Variants in ATP8B1 observed in about 807,000 individuals in gnomAD.
ATP8B1 encodes the protein ATPase phospholipid transporting 8B1, also known as phospholipid-transporting ATPase IC.
Under a neutral mutation model 149.9 loss-of-function variants are expected in ATP8B1, and 80 were observed. The ratio of observed to expected loss-of-function variants is 0.53; its 90% CI spans 0.45 to 0.64. The LOEUF is 0.64. ATP8B1 is among the 30% of genes least tolerant of loss of function. ATP8B1 has a pLI of 0.00. For synonymous variants in ATP8B1, 536 were observed against 562.8 expected, an observed-to-expected ratio of 0.95 and a Z score of 0.67; for missense variants, 1,247 against 1,552.6, an observed-to-expected ratio of 0.80 and a Z score of 3.31.
chr18:57,672,904 A>G (rs1568189178), intron 16 of ATP8B1, among the ~76,000 whole-genome samples: 4 of 68,496 alleles, frequency 5.8e-5, no homozygotes, highest in South Asian at 5.2e-4. Flanking sequence ...ATATATATAT[A>G]TATATATATA....
At chr18:57,665,391 T>C (rs1910783749) in intron 20 of ATP8B1, among the ~76,000 whole-genome samples, 1 of 152,182 alleles carries the variant, frequency 6.6e-6, no homozygotes, top group Non-Finnish European at 1.5e-5. Flanking sequence ...TCTTTTACTT[T>C]AGCTTCGGGA....
chr18:57,673,105 C>T (rs548853615), intron 16 of ATP8B1, among the ~76,000 whole-genome samples: 86 of 146,672 alleles, frequency 5.9e-4, no homozygotes, highest in African/African-American at 1.9e-3. Flanking sequence ...GCATCACTTA[C>T]GGACTCTTCC....
chr18:57,721,215 C>A (rs2079642900), intron 2 of ATP8B1, among the ~76,000 whole-genome samples: 1 of 140,414 alleles, frequency 7.1e-6, no homozygotes, highest in Non-Finnish European at 1.6e-5. Flanking sequence ...CAGCTAACAT[C>A]ATAATGACAG....
At position 57,728,163 on chromosome 18, in the gene ATP8B1, C is replaced by T. The variant is rs188034497; in HGVS notation, c.181+3464G>A. On this transcript the variant is annotated intron_variant, in intron 2 of 27. Coordinates refer to ENST00000648908, the MANE Select transcript of ATP8B1 (RefSeq NM_001374385.1). ...TCCTTTCTTTAAAAAAAAAAGAAAG[C>T]AACTTTCTGTGCTACAACCCTCATT... Among the ~76,000 whole-genome samples, 9 of 152,140 alleles carry T rather than the reference C, an allele frequency of 5.9e-5. No homozygotes were observed. In the East Asian group the frequency reaches 1.7e-3, roughly 29 times the overall value.
intron 4 of ATP8B1, among the ~76,000 whole-genome samples, chr18:57,703,734 G>A (rs768745965): frequency 4.6e-5 from 7 of 152,106 alleles, no homozygotes; most frequent in Admixed American, 1.3e-4. Flanking sequence ...CTAAACTCAT[G>A]CTCTCTGGAT....
At chr18:57,675,088 C>G (rs1461459733) in intron 15 of ATP8B1, 66 bp from the exon 16 acceptor site, 1 of 1,541,868 alleles carries the variant, frequency 6.5e-7, no homozygotes, top group Non-Finnish European at 8.9e-7. Flanking sequence ...ATTGTTGAGG[C>G]CTCTGCTGAG....
chr18:57,659,355 T>C (rs1311108110), intron 22 of ATP8B1, among the ~76,000 whole-genome samples: 1 of 152,118 alleles, frequency 6.6e-6, no homozygotes, highest in Non-Finnish European at 1.5e-5. Context: ...CCTCTAAGAT[T>C]ATCTACATTG....
chr18:57,780,258 A>G (rs922378109), intron 1 of ATP8B1, among the ~76,000 whole-genome samples: 2 of 152,240 alleles, frequency 1.3e-5, no homozygotes, highest in Non-Finnish European at 2.9e-5. Context: ...AAAAATATCC[A>G]ACTTGTGAAA....
intron 2 of ATP8B1, among the ~76,000 whole-genome samples, chr18:57,708,109 G>C (rs906414994): frequency 5.9e-5 from 8 of 136,098 alleles, no homozygotes; most frequent in Non-Finnish European, 1.1e-4. Context: ...AGTGAGCCGA[G>C]ATAGTGCCAC....
intron 11 of ATP8B1, among the ~76,000 whole-genome samples, chr18:57,693,164 C>G (rs1187750364): frequency 6.6e-6 from 1 of 152,130 alleles, no homozygotes; most frequent in Non-Finnish European, 1.5e-5. Flanking sequence ...TGATTTTAAA[C>G]ATGTATATGC....
chr18:57,668,910 A>G (rs1311470198), intron 18 of ATP8B1: 2 of 215,762 alleles, frequency 9.3e-6, no homozygotes, highest in Non-Finnish European at 1.8e-5. Context: ...TAAACCCTAC[A>G]AAAACTATGT....
Position 57,734,297 on chromosome 18 carries a change from C to A in ATP8B1, c.-25-2465G>T, listed in dbSNP as rs144609264. Among the ~76,000 whole-genome samples the A allele has an allele frequency of 9.3e-3, 1,410 of 152,260 alleles. 15 individuals are homozygous for A. Among genetic ancestry groups the A allele is most frequent in the Non-Finnish European group, 0.012 (834 of 68,018 alleles). ...CTCTGCCTCCCAGATTCAAGCAATTCTCCTGCCTCAGCCTCCTGAGTAGCT... is the reference window on the plus strand; with the variant it reads ...CTCTGCCTCCCAGATTCAAGCAATTATCCTGCCTCAGCCTCCTGAGTAGCT... On this transcript the variant is annotated intron_variant, in intron 1 of 27. Coordinates refer to ENST00000648908, the MANE Select transcript of ATP8B1 (RefSeq NM_001374385.1).
In ATP8B1 at chr18:57,734,871, T is replaced by G. The variant is rs2079831011; in HGVS notation, c.-25-3039A>C. The stretch of plus-strand genomic sequence containing the variant: ...CCTAGGCCGACTATGAATCCCTAAG[T>G]CTAGCTGGGAAGGTGACTGCATCCA... On this transcript the variant is annotated intron_variant, in intron 1 of 27. Coordinates refer to ENST00000648908, the MANE Select transcript of ATP8B1 (RefSeq NM_001374385.1). 2.0e-5 allele frequency among the ~76,000 whole-genome samples: 3 copies of G among 152,144 alleles called. No homozygotes were observed. In the South Asian group the frequency reaches 6.2e-4, roughly 32 times the overall value.
intron 1 of ATP8B1, among the ~76,000 whole-genome samples, chr18:57,755,951 A>AT (rs1291785862): frequency 1.3e-5 from 2 of 152,014 alleles, no homozygotes; most frequent in East Asian, 3.9e-4. Context: ...CATATAGTTC[A>AT]TTATCCCCCT....
chr18:57,679,968 T>G (rs1911846172), intron 15 of ATP8B1, among the ~76,000 whole-genome samples: 1 of 151,554 alleles, frequency 6.6e-6, no homozygotes, highest in Non-Finnish European at 1.5e-5. Flanking sequence ...CCCGGCTCAC[T>G]CTAATTAAGT....
chr18:57,667,907 A>G, intron 19 of ATP8B1: 1 of 318,654 alleles, frequency 3.1e-6, no homozygotes. Flanking sequence ...AAGAGACATT[A>G]TTTGATTTCT....
At position 57,704,640 on chromosome 18, in the gene ATP8B1, T is replaced by G; in HGVS notation, c.308A>C (p.Asn103Thr). The G allele has an allele frequency of 6.2e-7, 1 of 1,608,808 alleles. No homozygotes were observed. Among genetic ancestry groups the G allele is most frequent in the Middle Eastern group, 1.7e-4 (1 of 6,050 alleles). Reference protein sequence around the residue: ...ANNAIKTYKYNAFTFIPMNLF... With the variant: ...ANNAIKTYKYTAFTFIPMNLF... The stretch of plus-strand genomic sequence containing the variant: ...ATTCATTGGTATAAAGGTAAATGCG[T>G]TGTACTTGTATGTTTTAATTGCATT... Residue 103 changes from asparagine (N) to threonine (T), a missense_variant, in exon 4 of 28, where the codon AAC (asparagine) becomes ACC (threonine). Asn to Thr is a moderately conservative substitution (Grantham distance 65). Coordinates refer to ENST00000648908, the MANE Select transcript of ATP8B1 (RefSeq NM_001374385.1).
At chr18:57,747,513 C>T (rs990085167) in intron 1 of ATP8B1, among the ~76,000 whole-genome samples, 2 of 151,704 alleles carry the variant, frequency 1.3e-5, no homozygotes, top group Non-Finnish European at 2.9e-5. Flanking sequence ...TGATCTGTAT[C>T]CAAAGCTGTG....
chr18:57,697,821 G>T lies in ATP8B1; in HGVS notation c.601C>A (p.Arg201Ser). ...GGAACAAAATCATTTTTTTTCAGAC[G>T]AATGACGTCTCCAACTTGAATTTCT... ...WKEIQVGDVI[R>S]LKKNDFVPAD... is the part of the protein sequence containing the mutation. Residue 201 changes from arginine to serine, a missense_variant, in exon 7 of 28, where the codon CGT (arginine) becomes AGT (serine). This residue lies in a region of ATP8B1 where 853 missense variants were observed against 1,035.7 expected (regional missense o/e 0.82). Transcript: ENST00000648908. 5 of 1,613,712 alleles carry T rather than the reference G, an allele frequency of 3.1e-6. No homozygotes were observed. The highest frequency in any genetic ancestry group is 4.2e-6 in the Non-Finnish European group (5 of 1,179,892).
Sources: gnomAD v4.1 joint callset for allele counts (sites outside exome capture counted in the v4.1 genomes callset) on GRCh38, gnomAD v4.1.1 for gene constraint, gnomAD v4.1.1 regional missense constraint, MANE v1.5 for transcripts, NCBI Gene and HGNC (gene_info 2026-07-23, HGNC 2026-07-21) for gene names.